Variants in MTSS1 observed in about 807,000 individuals in gnomAD.
MTSS1 encodes protein MTSS 1.
In MTSS1, 18 loss-of-function variants were observed where a neutral mutation model predicts 79.0. That is an observed-to-expected ratio of 0.23 (90% CI 0.16 to 0.34). The LOEUF (loss-of-function observed/expected upper bound fraction) is 0.34, where lower values mean the gene tolerates loss of function less well. Among genes scored for constraint, MTSS1 ranks in the 10% least tolerant of loss-of-function variants. The pLI is 1.00. For synonymous variants in MTSS1, 341 were observed against 368.6 expected (o/e 0.93, Z 0.86); for missense variants, 815 against 986.2 (o/e 0.83, Z 2.33).
At chr8:124,583,129 C>T (rs1000015823) in intron 6 of MTSS1, among the ~76,000 whole-genome samples, 1 of 152,178 alleles carries the variant, frequency 6.6e-6, no homozygotes, top group East Asian at 1.9e-4. Context: ...CTAAGTCCAC[C>T]GTGTGGAAAA....
intron 9 of MTSS1, among the ~76,000 whole-genome samples, chr8:124,563,578 A>G (rs1825783953): frequency 6.6e-6 from 1 of 152,250 alleles, no homozygotes; most frequent in Non-Finnish European, 1.5e-5. Context: ...AAATCAACTC[A>G]CTATGTTGGT....
chr8:124,727,445 C>G lies in MTSS1; in HGVS notation c.72+439G>C. On this transcript the variant is annotated intron_variant, in intron 1 of 13. Coordinates refer to ENST00000518547, the MANE Select transcript of MTSS1 (RefSeq NM_014751.6). The surrounding 1 kb of genome is among the most constrained non-coding windows in gnomAD (Gnocchi z 4.7). ...TCCTAGGCTAGGGGACTCCTTCCTG[C>G]GAGCGGGCAGAGCCCCCACTTCCTC... 2.4e-6 allele frequency: 1 copy of G among 419,400 alleles called. No individual in the cohort carries two copies. Among genetic ancestry groups the G allele is most frequent in the South Asian group, 1.7e-5 (1 of 57,428 alleles). 26.0% of individuals were successfully genotyped at this position (419,400 alleles called of 1,614,324 possible).
intron 3 of MTSS1, among the ~76,000 whole-genome samples, chr8:124,641,423 G>A (rs1025572012): frequency 4.6e-5 from 7 of 152,234 alleles, no homozygotes; most frequent in African/African-American, 1.7e-4. Context: ...GGGTCTCTCT[G>A]AGCCTCAATT....
At chr8:124,626,607 C>T (rs187800884) in intron 3 of MTSS1, among the ~76,000 whole-genome samples, 2 of 152,142 alleles carry the variant, frequency 1.3e-5, no homozygotes, top group East Asian at 1.9e-4. Context: ...GGATGAGGAT[C>T]TAGTAAGGTT....
intron 6 of MTSS1, among the ~76,000 whole-genome samples, chr8:124,574,239 C>T (rs1477129456): frequency 1.3e-5 from 2 of 152,182 alleles, no homozygotes; most frequent in Non-Finnish European, 2.9e-5. Flanking sequence ...CCACCACACC[C>T]GGCCACAGAA....
rs184426918 is a variant in MTSS1, at chr8:124,696,051, A to C, written c.208+3475T>G. 5.4e-3 allele frequency among the ~76,000 whole-genome samples: 818 copies of C among 151,958 alleles called. 7 individuals are homozygous for C. Among genetic ancestry groups the C allele is most frequent in the African/African-American group, 0.016 (675 of 41,432 alleles). On this transcript the variant is annotated intron_variant, in intron 3 of 13. Coordinates refer to ENST00000518547, the MANE Select transcript of MTSS1 (RefSeq NM_014751.6). ...CACCCAGGCTGGAGTGCAGTGGCGC[A>C]ATCTCAGCTCACTGCAACCTCCACC...
intron 6 of MTSS1, 129 bp from the exon 7 acceptor site, chr8:124,568,665 A>G: frequency 6.7e-7 from 1 of 1,486,290 alleles, no homozygotes. Context: ...GTATTTATTC[A>G]TGCCCCAAAA....
chr8:124,552,806 A>C lies in MTSS1; in HGVS notation c.*186T>G, dbSNP rs532775386. 62 of 525,732 alleles carry C rather than the reference A, an allele frequency of 1.2e-4. No homozygotes were observed. Among genetic ancestry groups the C allele is most frequent in the African/African-American group, 1.1e-3 (56 of 53,300 alleles). The allele number at this position is 525,732 out of a possible 1,614,324, so 32.6% of individuals were successfully genotyped here. On this transcript the variant is annotated 3_prime_UTR_variant, in exon 14 of 14. Transcript: ENST00000518547. ...ATTGTCAATATTTACAAATTAAAAG[A>C]TCAAGATTATGTCAGTTACATAGGT...
At chr8:124,607,163 C>T (rs1835021488) in intron 3 of MTSS1, among the ~76,000 whole-genome samples, 1 of 152,246 alleles carries the variant, frequency 6.6e-6, no homozygotes, top group Admixed American at 6.5e-5. Context: ...TTTGCTCTTC[C>T]TCGATTCTCT....
intron 3 of MTSS1, among the ~76,000 whole-genome samples, chr8:124,612,573 AATGTGTGTGT>A (rs1307257383): frequency 2.5e-5 from 3 of 119,748 alleles, no homozygotes; most frequent in African/African-American, 9.3e-5. Flanking sequence ...CCAAGTTTAA[AATGTGTGTGT>A]GTGTGTGTGT....
At chr8:124,668,368 A>T (rs1289293184) in intron 3 of MTSS1, among the ~76,000 whole-genome samples, 4 of 152,226 alleles carry the variant, frequency 2.6e-5, no homozygotes, top group African/African-American at 9.6e-5. Context: ...TTCATCCAAC[A>T]GACAGACAAA....
In MTSS1 at chr8:124,710,531, C is replaced by T. The variant is rs560995942; in HGVS notation, c.73-6340G>A. Among the ~76,000 whole-genome samples the T allele has an allele frequency of 1.1e-4, 16 of 152,340 alleles. No individual in the cohort carries two copies. The South Asian group carries it at 3.3e-3, about 32-fold the overall frequency. On this transcript the variant is annotated intron_variant, in intron 1 of 13. Transcript: ENST00000518547. ...ATCTTCCTCCTCTTCCTCCACTTTC[C>T]CTAGAGCCAGGACCCATGGCAGGCC...
At chr8:124,701,504 T>A (rs11988226) in intron 2 of MTSS1, among the ~76,000 whole-genome samples, 10,484 of 152,256 alleles carry the variant, frequency 0.069, 540 homozygotes, top group African/African-American at 0.15. Context: ...AGAGTTGACA[T>A]CAAACACAAA....
chr8:124,714,253 T>A (rs1457976110), intron 1 of MTSS1, among the ~76,000 whole-genome samples: 1 of 152,066 alleles, frequency 6.6e-6, no homozygotes, highest in Admixed American at 6.5e-5. Flanking sequence ...TATTCGAGAG[T>A]ACAGAGGTCT....
rs566865493 is a variant in MTSS1, at chr8:124,602,206, T to A, written c.209-10971A>T. On this transcript the variant is annotated intron_variant, in intron 3 of 13. Transcript: ENST00000518547. The stretch of plus-strand genomic sequence containing the variant: ...ATATATACATATATATATATATATA[T>A]AATTTTTTTTTGAGACACGGTCTCA... Among the ~76,000 whole-genome samples, 111 of 132,258 alleles carry A rather than the reference T, an allele frequency of 8.4e-4. 1 individual carries two copies. The highest frequency in any genetic ancestry group is 6.0e-3 in the East Asian group (20 of 3,326). 86.8% of individuals were successfully genotyped at this position (132,258 alleles called of 152,430 possible). A position where few individuals can be genotyped will look rare whatever the true frequency, so the allele number is the denominator to read the frequency against.
At chr8:124,637,553 C>G (rs1201308517) in intron 3 of MTSS1, among the ~76,000 whole-genome samples, 1 of 152,178 alleles carries the variant, frequency 6.6e-6, no homozygotes, top group Non-Finnish European at 1.5e-5. Flanking sequence ...TGAACACTTG[C>G]AGAAAGCAGG....
At position 124,598,778 on chromosome 8, in the gene MTSS1, T is replaced by C. The variant is rs766682527; in HGVS notation, c.209-7543A>G. ...GGCCTTAGGGATGCATTAATTCAAC[T>C]AGGGGCAGCTTGTGTACAAGCCCAA... On this transcript the variant is annotated intron_variant, in intron 3 of 13. Transcript: ENST00000518547. Among the ~76,000 whole-genome samples the C allele has an allele frequency of 3.0e-4, 45 of 152,312 alleles. 1 individual carries two copies. Among genetic ancestry groups the C allele is most frequent in the South Asian group, 2.3e-3 (11 of 4,824 alleles).
chr8:124,666,570 A>AC (rs1243502753), intron 3 of MTSS1, among the ~76,000 whole-genome samples: 2 of 152,160 alleles, frequency 1.3e-5, no homozygotes, highest in Non-Finnish European at 2.9e-5. Context: ...GGATCCACAG[A>AC]CCCCTTGAAA....
At chr8:124,605,363 T>C (rs899429016) in intron 3 of MTSS1, among the ~76,000 whole-genome samples, 1 of 152,240 alleles carries the variant, frequency 6.6e-6, no homozygotes, top group Non-Finnish European at 1.5e-5. Context: ...TCACAGTATC[T>C]GGATCAGGGA....
Sources: allele counts gnomAD v4.1 joint callset (sites outside exome capture counted in the v4.1 genomes callset), GRCh38; gene constraint gnomAD v4.1.1; non-coding constraint Gnocchi (gnomAD v3.1); transcripts MANE v1.5; gene names NCBI Gene and HGNC (gene_info 2026-07-23, HGNC 2026-07-21).